Variants in PARD3B observed in about 807,000 individuals in gnomAD.
The protein encoded by PARD3B is partitioning defective 3 homolog B.
Under a neutral mutation model 130.2 loss-of-function variants are expected in PARD3B, and 103 were observed. The ratio of observed to expected loss-of-function variants is 0.79; its 90% CI spans 0.67 to 0.93. The LOEUF (loss-of-function observed/expected upper bound fraction) is 0.93. PARD3B is among the 40% of genes least tolerant of loss of function. The pLI is 0.00. For missense variants in PARD3B, 1,609 were observed against 1,499.2 expected (o/e 1.07, Z -1.21); for synonymous variants, 583 against 553.2 (o/e 1.05, Z -0.76).
chr2:204,954,946 G>C (rs1690109511), intron 2 of PARD3B, among the ~76,000 whole-genome samples: 2 of 152,136 alleles, frequency 1.3e-5, no homozygotes, highest in South Asian at 4.1e-4. Flanking sequence ...AGAGCTGTTG[G>C]GTTGTCTTAA....
chr2:205,550,937 G>A lies in PARD3B; in HGVS notation c.3181-2387G>A, dbSNP rs567116362. Among the ~76,000 whole-genome samples the A allele has an allele frequency of 1.7e-4, 14 of 83,838 alleles. No homozygotes were observed. The highest frequency in any genetic ancestry group is 2.5e-4 in the Non-Finnish European group (10 of 39,366). 55.0% of individuals were successfully genotyped at this position (83,838 alleles called of 152,430 possible). A position where few individuals can be genotyped will look rare whatever the true frequency, so the allele number is the denominator to read the frequency against. On this transcript the variant is annotated intron_variant, in intron 21 of 22. Transcript: ENST00000406610. This position sits in a 1 kb window ranked among gnomAD's most constrained non-coding sequence, Gnocchi z 4.5. ...TACATATAATTATGTGTGTGTGTGT[G>A]TGTGTATATATATATGTGTATATAT...
chr2:205,121,939 C>T lies in PARD3B; in HGVS notation c.1155C>T (p.Asp385=), dbSNP rs375274981. 2 of 1,602,912 alleles carry T rather than the reference C, an allele frequency of 1.2e-6. No homozygotes were observed. Among genetic ancestry groups the T allele is most frequent in the African/African-American group, 1.3e-5 (1 of 74,496 alleles). The change falls in exon 8 of 23, where the codon GAC becomes GAT. Residue 385 remains aspartate, a synonymous_variant. Coordinates refer to ENST00000406610, the MANE Select transcript of PARD3B (RefSeq NM_001302769.2). The surrounding 1 kb of genome is among the most constrained non-coding windows in gnomAD (Gnocchi z 5.0). ...SNKNAKKIKI[D]LKKGPEGLGF... is the part of the protein sequence containing the mutation. ...AAAATGCAAAGAAAATTAAGATTGACCTAAAGAAAGGTAATTATTAAATTA... is the reference window on the plus strand; with the variant it reads ...AAAATGCAAAGAAAATTAAGATTGATCTAAAGAAAGGTAATTATTAAATTA...
rs2033012911 is a variant in PARD3B, at chr2:205,142,166, G to A, written c.1434+16429G>A. 6.6e-6 allele frequency among the ~76,000 whole-genome samples: 1 copy of A among 152,160 alleles called. No homozygotes were observed. The highest frequency in any genetic ancestry group is 1.5e-5 in the Non-Finnish European group (1 of 68,030). On this transcript the variant is annotated intron_variant, in intron 10 of 22. Transcript: ENST00000406610. The surrounding 1 kb of genome is among the most constrained non-coding windows in gnomAD (Gnocchi z 4.3). ...CCTAGATGAGAGCCACAAACAGCAG[G>A]TGACAATTAAGATGGGATTTGATAG...
At chr2:204,583,549 G>T (rs867872101) in intron 1 of PARD3B, among the ~76,000 whole-genome samples, 2 of 119,044 alleles carry the variant, frequency 1.7e-5, no homozygotes, top group South Asian at 6.7e-4. Context: ...TGGGTGCAGC[G>T]CACCAGCATG....
At chr2:205,044,602 T>C (rs1161218571) in intron 3 of PARD3B, among the ~76,000 whole-genome samples, 1 of 152,130 alleles carries the variant, frequency 6.6e-6, no homozygotes, top group Non-Finnish European at 1.5e-5. Context: ...CATAAATGTC[T>C]TCTTTTGAGA....
chr2:205,503,362 G>A (rs1272883659), intron 21 of PARD3B, among the ~76,000 whole-genome samples: 2 of 151,976 alleles, frequency 1.3e-5, no homozygotes, highest in South Asian at 2.1e-4. Flanking sequence ...AGACATTTTG[G>A]GAGTTGCCTC....
intron 3 of PARD3B, among the ~76,000 whole-genome samples, chr2:204,979,615 T>G (rs1692496433): frequency 6.6e-6 from 1 of 152,186 alleles, no homozygotes; most frequent in African/African-American, 2.4e-5. Flanking sequence ...TCTTGAAGAA[T>G]AGCAAAGCTT....
chr2:204,855,666 C>T (rs1164160706), intron 2 of PARD3B, among the ~76,000 whole-genome samples: 9 of 151,808 alleles, frequency 5.9e-5, no homozygotes, highest in Non-Finnish European at 1.0e-4. Context: ...TCTAATGAAA[C>T]TTTGTAACCT....
At chr2:205,522,282 C>CT (rs201118885) in intron 21 of PARD3B, among the ~76,000 whole-genome samples, 2 of 150,098 alleles carry the variant, frequency 1.3e-5, no homozygotes, top group Non-Finnish European at 1.5e-5. Flanking sequence ...AGCTAATGTT[C>CT]TTTTTTTTTC....
At chr2:205,259,834 A>G (rs1243169626) in intron 16 of PARD3B, among the ~76,000 whole-genome samples, 3 of 152,106 alleles carry the variant, frequency 2.0e-5, no homozygotes, top group Non-Finnish European at 2.9e-5. Context: ...CGGATTTCAA[A>G]TTTTTCTGGA....
Position 205,293,398 on chromosome 2 carries a change from G to C in PARD3B, c.2186-7132G>C, listed in dbSNP as rs552739637. On this transcript the variant is annotated intron_variant, in intron 16 of 22. Coordinates refer to ENST00000406610, the MANE Select transcript of PARD3B (RefSeq NM_001302769.2). ...ACAAAGAGTTAATGGCAAAAGGAAA[G>C]AGAGGGAAAAAATCACCGCAATGGT... 4 of 152,214 alleles carry C rather than the reference G, an allele frequency of 2.6e-5. 1 individual carries two copies. Among genetic ancestry groups the C allele is most frequent in the South Asian group, 2.1e-4 (1 of 4,826 alleles). The allele number at this position is 152,214 out of a possible 1,614,324, so 9.4% of individuals were successfully genotyped here. A position where few individuals can be genotyped will look rare whatever the true frequency, so the allele number is the denominator to read the frequency against.
At chr2:205,331,099 A>T (rs997708131) in intron 18 of PARD3B, among the ~76,000 whole-genome samples, 1 of 152,170 alleles carries the variant, frequency 6.6e-6, no homozygotes, top group African/African-American at 2.4e-5. Flanking sequence ...CACCACAAGT[A>T]CATACACATA....
At chr2:205,017,974 A>G (rs1696280254) in intron 3 of PARD3B, among the ~76,000 whole-genome samples, 2 of 152,200 alleles carry the variant, frequency 1.3e-5, no homozygotes, top group African/African-American at 2.4e-5. Context: ...TTTTTAAATA[A>G]CACTGGAAGA....
intron 4 of PARD3B, 80 bp from the exon 5 acceptor site, chr2:205,104,346 C>T: frequency 1.9e-6 from 2 of 1,034,736 alleles, no homozygotes; most frequent in Non-Finnish European, 1.5e-6. Flanking sequence ...GCGGTTTACT[C>T]TCCCATATTG....
chr2:205,588,369 G>A (rs1361660107), intron 22 of PARD3B, among the ~76,000 whole-genome samples: 1 of 152,166 alleles, frequency 6.6e-6, no homozygotes, highest in Non-Finnish European at 1.5e-5. Flanking sequence ...CTATCCCAGA[G>A]AATTCTTTCC....
At chr2:205,063,826 A>C (rs1700199651) in intron 4 of PARD3B, among the ~76,000 whole-genome samples, 1 of 152,200 alleles carries the variant, frequency 6.6e-6, no homozygotes, top group African/African-American at 2.4e-5. Flanking sequence ...AATAATTCCC[A>C]CTTTTCATGT....
chr2:204,790,960 C>G (rs1482407583), intron 2 of PARD3B, among the ~76,000 whole-genome samples: 2 of 152,020 alleles, frequency 1.3e-5, no homozygotes, highest in African/African-American at 4.8e-5. Flanking sequence ...CAAAAATTAG[C>G]TGGACACAGT....
chr2:205,062,387 G>A (rs1304700680), intron 4 of PARD3B, among the ~76,000 whole-genome samples: 1 of 152,064 alleles, frequency 6.6e-6, no homozygotes, highest in African/African-American at 2.4e-5. Flanking sequence ...CTGGACTGAG[G>A]CATGCCCTGC....
chr2:204,559,675 G>A (rs11899900), intron 1 of PARD3B, among the ~76,000 whole-genome samples: 9,451 of 152,230 alleles, frequency 0.062, 958 homozygotes, highest in African/African-American at 0.21. Flanking sequence ...TGACCCAGCA[G>A]TCCCATTACT....
Sources: gnomAD v4.1 joint callset for allele counts (sites outside exome capture counted in the v4.1 genomes callset) on GRCh38, gnomAD v4.1.1 for gene constraint, Gnocchi (gnomAD v3.1) non-coding constraint, MANE v1.5 for transcripts, NCBI Gene and HGNC (gene_info 2026-07-23, HGNC 2026-07-21) for gene names.